The following PDE4D variants were observed in gnomAD, a reference collection of about 807,000 sequenced individuals.
PDE4D encodes phosphodiesterase 4D.
A neutral mutation model predicts 87.4 loss-of-function variants in PDE4D; 24 were observed. That is an observed-to-expected ratio of 0.27 (90% CI 0.20 to 0.39). The LOEUF (loss-of-function observed/expected upper bound fraction) is 0.39. PDE4D is among the 10% of genes least tolerant of loss of function. The pLI is 1.00. For synonymous variants in PDE4D, 384 were observed against 383.2 expected, an observed-to-expected ratio of 1.00 and a Z score of -0.02; for missense variants, 714 against 1,041.0, an observed-to-expected ratio of 0.69 and a Z score of 4.32.
At chr5:59,553,746 T>C (rs1818473100) in intron 1 of PDE4D, among the ~76,000 whole-genome samples, 2 of 151,876 alleles carry the variant, frequency 1.3e-5, no homozygotes, top group African/African-American at 2.4e-5. Flanking sequence ...TAACAGGGCA[T>C]AATAAGCTAT....
At chr5:59,437,850 C>T in intron 1 of PDE4D, among the ~76,000 whole-genome samples, 1 of 152,114 alleles carries the variant, frequency 6.6e-6, no homozygotes, top group African/African-American at 2.4e-5. Flanking sequence ...GAAGAAATGC[C>T]TGAGACTGGG....
chr5:60,044,036 A>C (rs953732372), intron 2 of PDE4D, among the ~76,000 whole-genome samples: 3 of 151,552 alleles, frequency 2.0e-5, no homozygotes, highest in Non-Finnish European at 4.4e-5. Context: ...AGCTTCTTTC[A>C]TGTTTTCTGG....
At chr5:60,036,486 T>A (rs1028689212) in intron 2 of PDE4D, among the ~76,000 whole-genome samples, 1 of 152,194 alleles carries the variant, frequency 6.6e-6, no homozygotes, top group Admixed American at 6.5e-5. Flanking sequence ...TGTTGGTGAA[T>A]TTACACAGGC....
chr5:60,258,973 G>A (rs964998389), intron 1 of PDE4D, among the ~76,000 whole-genome samples: 1 of 151,862 alleles, frequency 6.6e-6, no homozygotes, highest in Non-Finnish European at 1.5e-5. Flanking sequence ...TCTTAACAAT[G>A]GCTATTCTTT....
chr5:59,573,144 G>C (rs1822165388), intron 1 of PDE4D, among the ~76,000 whole-genome samples: 1 of 152,124 alleles, frequency 6.6e-6, no homozygotes, highest in African/African-American at 2.4e-5. Flanking sequence ...TTCATGGTCT[G>C]CTTAACTCTT....
intron 2 of PDE4D, among the ~76,000 whole-genome samples, chr5:60,137,794 C>T (rs1403675295): frequency 6.6e-6 from 1 of 152,048 alleles, no homozygotes; most frequent in Non-Finnish European, 1.5e-5. Context: ...TTAATTAGAT[C>T]CCATTTGTCA....
intron 2 of PDE4D, among the ~76,000 whole-genome samples, chr5:60,088,321 C>CA (rs1411637533): frequency 1.3e-5 from 2 of 149,710 alleles, no homozygotes; most frequent in African/African-American, 4.9e-5. Flanking sequence ...AAAAACAAAA[C>CA]AAAAAAACCT....
intron 5 of PDE4D, among the ~76,000 whole-genome samples, chr5:59,051,138 G>A (rs567040872): frequency 6.6e-6 from 1 of 152,364 alleles, no homozygotes; most frequent in East Asian, 1.9e-4. Flanking sequence ...CTGGGAGGCT[G>A]ATGCGAGCAG....
intron 1 of PDE4D, among the ~76,000 whole-genome samples, chr5:59,338,633 T>C (rs755061015): frequency 6.6e-6 from 1 of 152,200 alleles, no homozygotes; most frequent in Non-Finnish European, 1.5e-5. Context: ...AGGATCATAT[T>C]TGAATCCAAG....
chr5:60,046,377 G>C (rs902750975), intron 2 of PDE4D, among the ~76,000 whole-genome samples: 31 of 152,064 alleles, frequency 2.0e-4, no homozygotes, highest in Non-Finnish European at 2.5e-4. Flanking sequence ...CTGCCTAATT[G>C]CTCTGGTCAG....
At chr5:59,929,917 T>C (rs1015953619) in intron 3 of PDE4D, among the ~76,000 whole-genome samples, 8 of 152,008 alleles carry the variant, frequency 5.3e-5, no homozygotes, top group African/African-American at 1.9e-4. Flanking sequence ...AATCACGTAG[T>C]CTTGAAAAAA....
At chr5:60,501,745 T>C (rs1750088461) in intron 1 of PDE4D, among the ~76,000 whole-genome samples, 1 of 152,204 alleles carries the variant, frequency 6.6e-6, no homozygotes, top group Non-Finnish European at 1.5e-5. Flanking sequence ...ATTTCTCTGA[T>C]GGCCAGTGAT....
intron 2 of PDE4D, among the ~76,000 whole-genome samples, chr5:60,006,358 T>A (rs1019509696): frequency 2.6e-5 from 4 of 151,956 alleles, no homozygotes; most frequent in African/African-American, 7.2e-5. Flanking sequence ...CAACTACGTA[T>A]TTTTAAGTAT....
chr5:59,270,449 G>T (rs895541633), intron 1 of PDE4D, among the ~76,000 whole-genome samples: 1 of 152,090 alleles, frequency 6.6e-6, no homozygotes, highest in Non-Finnish European at 1.5e-5. Context: ...AGCTTGCAGA[G>T]AACAGAAAAA....
At chr5:60,060,845 G>A (rs1403671275) in intron 2 of PDE4D, among the ~76,000 whole-genome samples, 4 of 151,766 alleles carry the variant, frequency 2.6e-5, no homozygotes, top group Admixed American at 6.6e-5. Flanking sequence ...TTGGTATCTC[G>A]ATAGATGCAG....
chr5:59,810,569 C>G (rs1768235859), intron 1 of PDE4D, among the ~76,000 whole-genome samples: 1 of 152,184 alleles, frequency 6.6e-6, no homozygotes, highest in Admixed American at 6.5e-5. Context: ...GTCCTTTGGT[C>G]TAGCTCTGCC....
chr5:60,380,284 CTAATG>C (rs797000196), intron 1 of PDE4D, among the ~76,000 whole-genome samples: 11 of 152,288 alleles, frequency 7.2e-5, no homozygotes, highest in African/African-American at 2.6e-4. Flanking sequence ...TTTAGATACT[CTAATG>C]ATCATTTAAC....
intron 2 of PDE4D, among the ~76,000 whole-genome samples, chr5:60,044,577 A>G (rs1768970766): frequency 6.9e-6 from 1 of 145,416 alleles, no homozygotes; most frequent in Non-Finnish European, 1.5e-5. Flanking sequence ...ATGTGTTCTC[A>G]TTGTTCAATT....
chr5:59,754,942 G>A (rs1580898295), intron 1 of PDE4D, among the ~76,000 whole-genome samples: 1 of 151,242 alleles, frequency 6.6e-6, no homozygotes, highest in East Asian at 2.0e-4. Flanking sequence ...GTGTTTACCT[G>A]CAACTAAGGG....
Sources: gnomAD v4.1 joint callset for allele counts (sites outside exome capture counted in the v4.1 genomes callset) on GRCh38, gnomAD v4.1.1 for gene constraint, MANE v1.5 for transcripts, NCBI Gene and HGNC (gene_info 2026-07-23, HGNC 2026-07-21) for gene names.